Variants in HS3ST5 observed in about 807,000 individuals in gnomAD.
HS3ST5 encodes the protein heparan sulfate glucosamine 3-O-sulfotransferase 5.
Under a neutral mutation model 25.4 loss-of-function variants are expected in HS3ST5, and 10 were observed. The ratio of observed to expected loss-of-function variants is 0.39; its 90% confidence interval spans 0.24 to 0.67. The LOEUF (loss-of-function observed/expected upper bound fraction) is 0.67. Ranked by LOEUF, HS3ST5 falls within the 30% of genes least tolerant of loss-of-function variation. The pLI is 0.44. For missense variants in HS3ST5, 324 were observed against 420.7 expected, an observed-to-expected ratio of 0.77 and a Z score of 2.01; for synonymous variants, 170 against 162.4, an observed-to-expected ratio of 1.05 and a Z score of -0.36.
chr6:114,278,910 G>C (rs996648335), intron 1 of HS3ST5, among the ~76,000 whole-genome samples: 1 of 151,986 alleles, frequency 6.6e-6, no homozygotes, highest in African/African-American at 2.4e-5. Flanking sequence ...TCACCACTCA[G>C]GAAAAGCTCC....
chr6:114,113,218 A>G (rs1234259778), intron 3 of HS3ST5, among the ~76,000 whole-genome samples: 3 of 152,098 alleles, frequency 2.0e-5, no homozygotes, highest in East Asian at 3.9e-4. Flanking sequence ...TAACCTTTCT[A>G]TCTTCACTCT....
At chr6:114,182,997 A>G (rs1459583251) in intron 2 of HS3ST5, among the ~76,000 whole-genome samples, 3 of 152,062 alleles carry the variant, frequency 2.0e-5, no homozygotes, top group African/African-American at 7.2e-5. Context: ...GATATTGTTC[A>G]TCTTCTACCC....
intron 3 of HS3ST5, among the ~76,000 whole-genome samples, chr6:114,076,517 G>A (rs1464363323): frequency 1.3e-5 from 2 of 152,048 alleles, no homozygotes; most frequent in African/African-American, 4.8e-5. Flanking sequence ...CCTATTACTG[G>A]GAGAAACAAT....
chr6:114,059,406 T>G (rs1206336545), intron 4 of HS3ST5: 1 of 152,212 alleles, frequency 6.6e-6, no homozygotes, highest in Non-Finnish European at 1.5e-5. Flanking sequence ...TGCTTGCTTT[T>G]CCCAAGAGAC....
At chr6:114,288,620 A>T (rs1214366222) in intron 1 of HS3ST5, among the ~76,000 whole-genome samples, 1 of 151,952 alleles carries the variant, frequency 6.6e-6, no homozygotes, top group Non-Finnish European at 1.5e-5. Context: ...GTAGATATAG[A>T]TGTATGATAC....
chr6:114,063,707 C>T (rs1475334185), intron 3 of HS3ST5, among the ~76,000 whole-genome samples: 3 of 152,040 alleles, frequency 2.0e-5, no homozygotes, highest in African/African-American at 4.8e-5. Context: ...GGGGTGAAAT[C>T]GAAGTGATAC....
At chr6:114,122,724 C>T (rs1190197266) in intron 3 of HS3ST5, among the ~76,000 whole-genome samples, 5 of 152,170 alleles carry the variant, frequency 3.3e-5, no homozygotes, top group African/African-American at 4.8e-5. Context: ...TCCACCTTCC[C>T]TACCTTGGAG....
At chr6:114,321,464 C>A (rs1775966896) in intron 1 of HS3ST5, among the ~76,000 whole-genome samples, 1 of 152,054 alleles carries the variant, frequency 6.6e-6, no homozygotes, top group Non-Finnish European at 1.5e-5. Context: ...GGGCTTAGCA[C>A]TTTCTGGCTT....
At chr6:114,175,544 T>A (rs568734465) in intron 2 of HS3ST5, among the ~76,000 whole-genome samples, 2 of 152,064 alleles carry the variant, frequency 1.3e-5, no homozygotes, top group Non-Finnish European at 2.9e-5. Context: ...AATAACAGCA[T>A]GACATAACTG....
intron 3 of HS3ST5, among the ~76,000 whole-genome samples, chr6:114,134,394 A>G (rs1352155944): frequency 1.3e-5 from 2 of 152,048 alleles, no homozygotes; most frequent in Non-Finnish European, 2.9e-5. Flanking sequence ...TTAGCCATCT[A>G]TTTTCCTCTC....
At chr6:114,226,392 ATCTATAAAT>A (rs1223942556) in intron 2 of HS3ST5, among the ~76,000 whole-genome samples, 1 of 151,940 alleles carries the variant, frequency 6.6e-6, no homozygotes, top group Non-Finnish European at 1.5e-5. Flanking sequence ...GTACTTAGGT[ATCTATAAAT>A]CTTCAATGTT....
chr6:114,260,086 A>C (rs1376586671), intron 1 of HS3ST5, among the ~76,000 whole-genome samples: 2 of 152,190 alleles, frequency 1.3e-5, no homozygotes, highest in Admixed American at 6.5e-5. Flanking sequence ...TAGTTCATGT[A>C]ACAAAATTAT....
intron 1 of HS3ST5, among the ~76,000 whole-genome samples, chr6:114,295,085 C>A (rs1774757836): frequency 6.6e-6 from 1 of 152,074 alleles, no homozygotes; most frequent in African/African-American, 2.4e-5. Context: ...AGAACAAAAT[C>A]ACACACAAGA....
At chr6:114,099,321 T>A (rs1428472838) in intron 3 of HS3ST5, among the ~76,000 whole-genome samples, 1 of 152,200 alleles carries the variant, frequency 6.6e-6, no homozygotes, top group Non-Finnish European at 1.5e-5. Flanking sequence ...TAAGACCTCA[T>A]TTGTCTTCCC....
intron 3 of HS3ST5, among the ~76,000 whole-genome samples, chr6:114,142,059 G>C (rs1376887046): frequency 6.6e-6 from 1 of 151,696 alleles, no homozygotes; most frequent in East Asian, 1.9e-4. Context: ...TTGGTTTCCA[G>C]TTTGTCTCTC....
chr6:114,241,135 T>G (rs936245714), intron 1 of HS3ST5, among the ~76,000 whole-genome samples: 5 of 125,770 alleles, frequency 4.0e-5, no homozygotes, highest in African/African-American at 9.3e-5. Context: ...AAAATCAGTT[T>G]TTTTTTTTTT....
chr6:114,243,692 A>G (rs765796538), intron 1 of HS3ST5, among the ~76,000 whole-genome samples: 21 of 152,310 alleles, frequency 1.4e-4, no homozygotes, highest in Admixed American at 6.5e-5. Flanking sequence ...TCCAGTATCC[A>G]TGTCCACTGC....
At chr6:114,227,920 C>T (rs748237372) in intron 2 of HS3ST5, among the ~76,000 whole-genome samples, 19 of 152,048 alleles carry the variant, frequency 1.2e-4, no homozygotes, top group Non-Finnish European at 2.5e-4. Context: ...TGGGAATTAG[C>T]CCATCATACT....
At chr6:114,302,557 A>C (rs1775124471) in intron 1 of HS3ST5, among the ~76,000 whole-genome samples, 1 of 152,200 alleles carries the variant, frequency 6.6e-6, no homozygotes, top group South Asian at 2.1e-4. Flanking sequence ...AATAATGAAA[A>C]TTCTTCACAA....
Sources: allele counts gnomAD v4.1 joint callset (sites outside exome capture counted in the v4.1 genomes callset), GRCh38; gene constraint gnomAD v4.1.1; transcripts MANE v1.5; gene names NCBI Gene and HGNC (gene_info 2026-07-23, HGNC 2026-07-21).